The following MEPE variants were observed in gnomAD, a reference collection of about 807,000 sequenced individuals.
MEPE encodes matrix extracellular phosphoglycoprotein, also known as matrix, extracellular phosphoglycoprotein with ASARM motif (bone).
MEPE carries 7 observed loss-of-function variants against 7.3 expected under a neutral mutation model. The ratio of observed to expected loss-of-function variants is 0.95; its 90% CI spans 0.54 to 1.79. The LOEUF is 1.79. Ranked by LOEUF, MEPE falls within the 40% of genes most tolerant of loss-of-function variation. MEPE has a pLI of 0.00. For missense variants in MEPE, 623 were observed against 628.2 expected (o/e 0.99, Z 0.09); for synonymous variants, 214 against 213.1 (o/e 1.00, Z -0.04).
chr4:87,846,727 G>A lies in MEPE; in HGVS notation c.*281G>A. On this transcript the variant is annotated 3_prime_UTR_variant, in exon 4 of 4. Transcript: ENST00000361056. ...TGTCATTTAAAAATAGTTGGTGAAT[G>A]TCACAAATGCCTTCTATGTTGTTTG... The A allele has an allele frequency of 2.9e-6, 1 of 347,258 alleles. No individual in the cohort carries two copies. Among genetic ancestry groups the A allele is most frequent in the Middle Eastern group, 7.8e-4 (1 of 1,274 alleles). 21.5% of individuals were successfully genotyped at this position (347,258 alleles called of 1,614,324 possible).
chr4:87,827,406 A>G (rs13132195), intron 1 of MEPE, among the ~76,000 whole-genome samples: 77,117 of 151,896 alleles, frequency 0.51, 20,164 homozygotes, highest in Non-Finnish European at 0.57. Context: ...TAAACATGGA[A>G]TTAAAAATAA....
chr4:87,844,851 C>A (rs1332253457), intron 3 of MEPE, 126 bp from the exon 4 acceptor site: 9 of 717,860 alleles, frequency 1.3e-5, no homozygotes. Flanking sequence ...TACCAGTAAA[C>A]CTCTATTGAG....
upstream of MEPE, chr4:87,832,879 ATTGT>A (rs1204045920): frequency 6.6e-6 from 1 of 152,194 alleles, no homozygotes; most frequent in Admixed American, 6.5e-5. Flanking sequence ...CTTGTAACAA[ATTGT>A]TTGCTAGCGC....
intron 3 of MEPE, among the ~76,000 whole-genome samples, chr4:87,843,059 A>C (rs1309110844): frequency 1.3e-5 from 2 of 152,084 alleles, no homozygotes; most frequent in Non-Finnish European, 2.9e-5. Flanking sequence ...TTAACATTCC[A>C]GTCCATTTTA....
At chr4:87,840,551 C>G (rs938648251) in intron 3 of MEPE, among the ~76,000 whole-genome samples, 1 of 152,206 alleles carries the variant, frequency 6.6e-6, no homozygotes, top group Middle Eastern at 3.4e-3. Context: ...GAGTTCTTAA[C>G]TGGTGTGTAA....
Position 87,846,669 on chromosome 4 carries a change from A to T in MEPE, c.*223A>T, listed in dbSNP as rs1560545976. The T allele has an allele frequency of 4.2e-6, 2 of 481,110 alleles. No individual in the cohort carries two copies. Among genetic ancestry groups the T allele is most frequent in the East Asian group, 6.4e-5 (2 of 31,112 alleles). The allele number at this position is 481,110 out of a possible 1,614,324, so 29.8% of individuals were successfully genotyped here. A position where few individuals can be genotyped will look rare whatever the true frequency, so the allele number is the denominator to read the frequency against. ...TGTTTTTAAGCAAAAAAAAATCATT[A>T]CAGATCTATGAAATAGGTAACATTT... On this transcript the variant is annotated 3_prime_UTR_variant, in exon 4 of 4. Transcript: ENST00000361056.
chr4:87,840,965 T>C (rs927164267), intron 3 of MEPE, among the ~76,000 whole-genome samples: 1 of 152,140 alleles, frequency 6.6e-6, no homozygotes, highest in African/African-American at 2.4e-5. Flanking sequence ...CACAAGCAAA[T>C]GTAAGAAAAG....
Position 87,845,576 on chromosome 4 carries a change from T to C in MEPE, c.708T>C (p.Phe236=). The C allele has an allele frequency of 6.2e-7, 1 of 1,612,576 alleles. No individual in the cohort carries two copies. Among genetic ancestry groups the C allele is most frequent in the Admixed American group, 1.7e-5 (1 of 59,662 alleles). ...LSKVKKIPSD[F]EGSGYTDLQE... is the part of the protein sequence containing the mutation. ...AAGTCAAAAAAATCCCCAGTGATTT[T>C]GAAGGCAGCGGTTATACAGATCTTC... Residue 236 remains phenylalanine, a synonymous_variant, in exon 4 of 4, where the codon TTT becomes TTC. Transcript: ENST00000361056.
chr4:87,823,193 G>A (rs538893501), intron 1 of MEPE, among the ~76,000 whole-genome samples: 16 of 152,206 alleles, frequency 1.1e-4, no homozygotes, highest in Non-Finnish European at 2.4e-4. Context: ...TGTGCTCAAT[G>A]GCTGCTCACC....
Position 87,845,876 on chromosome 4 carries a change from G to A in MEPE, c.1008G>A (p.Glu336=), listed in dbSNP as rs932685053. 2 of 1,613,954 alleles carry A rather than the reference G, an allele frequency of 1.2e-6. No individual in the cohort carries two copies. The highest frequency in any genetic ancestry group is 1.7e-6 in the Non-Finnish European group (2 of 1,179,944). The part of the protein sequence containing the change: ...EADAVDVSLV[E]GSNDIMGSTN... ...ATGCTGTTGATGTCAGCCTTGTAGA[G>A]GGCAGCAACGATATCATGGGTAGTA... Residue 336 remains glutamate (E), a synonymous_variant, in exon 4 of 4, where the codon GAG becomes GAA. Coordinates refer to ENST00000361056, the MANE Select transcript of MEPE (RefSeq NM_020203.6).
intron 1 of MEPE, among the ~76,000 whole-genome samples, chr4:87,822,566 G>A (rs184296570): frequency 1.3e-5 from 2 of 152,194 alleles, no homozygotes; most frequent in African/African-American, 4.8e-5. Flanking sequence ...AGCATCACCT[G>A]TATGGTGTCA....
chr4:87,840,151 G>C (rs1722961098), intron 3 of MEPE: 1 of 1,371,200 alleles, frequency 7.3e-7, no homozygotes, highest in Admixed American at 2.5e-5. Context: ...TGATGGTGGG[G>C]ATCTCAGCAG....
At chr4:87,836,399 T>C (rs143189558) in intron 2 of MEPE, among the ~76,000 whole-genome samples, 2 of 150,468 alleles carry the variant, frequency 1.3e-5, no homozygotes, top group East Asian at 1.9e-4. Flanking sequence ...TTGTCAAGTA[T>C]GTTTCTAATC....
intron 3 of MEPE, among the ~76,000 whole-genome samples, chr4:87,841,732 T>A: frequency 6.6e-6 from 1 of 152,136 alleles, no homozygotes; most frequent in Admixed American, 6.6e-5. Flanking sequence ...CAAAATCTAT[T>A]TCAGATAACA....
chr4:87,830,493 C>T (rs1055325999), upstream of MEPE, among the ~76,000 whole-genome samples: 3 of 152,084 alleles, frequency 2.0e-5, no homozygotes, highest in Admixed American at 2.0e-4. Flanking sequence ...AAACCAAATA[C>T]CACATGTTCT....
At chr4:87,836,242 A>C (rs932960634) in intron 2 of MEPE, among the ~76,000 whole-genome samples, 5 of 152,184 alleles carry the variant, frequency 3.3e-5, no homozygotes, top group Non-Finnish European at 5.9e-5. Flanking sequence ...TTAGAATTAT[A>C]AGCCAAATTC....
chr4:87,843,397 C>A (rs1723089342), intron 3 of MEPE, among the ~76,000 whole-genome samples: 1 of 152,154 alleles, frequency 6.6e-6, no homozygotes, highest in East Asian at 1.9e-4. Context: ...CTTCCCCCAC[C>A]CTCCATACCC....
Position 87,846,754 on chromosome 4 carries a change from T to C in MEPE, c.*308T>C. On this transcript the variant is annotated 3_prime_UTR_variant, in exon 4 of 4. Coordinates refer to ENST00000361056, the MANE Select transcript of MEPE (RefSeq NM_020203.6). ...CACAAATGCCTTCTATGTTGTTTGC[T>C]CTGTAGACATGAAAATAAACAATAT... is the stretch of plus-strand genomic sequence containing the variant. The C allele has an allele frequency of 3.7e-6, 1 of 270,280 alleles. No homozygotes were observed. The highest frequency in any genetic ancestry group is 7.0e-6 in the Non-Finnish European group (1 of 143,768). 16.7% of individuals were successfully genotyped at this position (270,280 alleles called of 1,614,324 possible).
chr4:87,826,763 A>T (rs1189491779), intron 1 of MEPE, among the ~76,000 whole-genome samples: 1 of 151,674 alleles, frequency 6.6e-6, no homozygotes, highest in East Asian at 1.9e-4. Context: ...GCTTTTTTTC[A>T]CGTATTTGCT....
Sources: gnomAD v4.1 joint callset for allele counts (sites outside exome capture counted in the v4.1 genomes callset) on GRCh38, gnomAD v4.1.1 for gene constraint, MANE v1.5 for transcripts, NCBI Gene and HGNC (gene_info 2026-07-23, HGNC 2026-07-21) for gene names.